BPTF: variants seen among roughly 807,000 people sequenced by gnomAD.
The protein encoded by BPTF is bromodomain PHD finger transcription factor, also known as nucleosome-remodeling factor subunit BPTF.
A neutral mutation model predicts 292.5 loss-of-function variants in BPTF; 18 were observed. That is an observed-to-expected ratio of 0.06 (90% CI 0.04 to 0.09). The LOEUF (loss-of-function observed/expected upper bound fraction) is 0.09, where lower values mean the gene tolerates loss of function less well. BPTF is among the 10% of genes least tolerant of loss of function. The probability of loss-of-function intolerance (pLI) is 1.00; values close to 1 mark genes in which losing one functional copy is unlikely to be tolerated. For synonymous variants in BPTF, 1,225 were observed against 1,251.9 expected (o/e 0.98, Z 0.45); for missense variants, 2,726 against 3,498.7 (o/e 0.78, Z 5.57).
At chr17:67,981,147 AG>A (rs377347333) in intron 27 of BPTF, among the ~76,000 whole-genome samples, 3 of 152,358 alleles carry the variant, frequency 2.0e-5, no homozygotes, top group African/African-American at 7.2e-5. Context: ...CTACAGAGTG[AG>A]ACCTTGTTTC....
chr17:67,856,144 A>G (rs1039262688), intron 2 of BPTF, among the ~76,000 whole-genome samples: 4 of 150,882 alleles, frequency 2.7e-5, no homozygotes, highest in Admixed American at 6.6e-5. Context: ...CTTTCTTATC[A>G]TTTCTCTCCA....
intron 26 of BPTF, among the ~76,000 whole-genome samples, chr17:67,972,046 A>C (rs564574946): frequency 1.1e-4 from 16 of 152,218 alleles, no homozygotes; most frequent in Admixed American, 6.5e-4. Flanking sequence ...TGTAAAATGT[A>C]ATATTTACCA....
At chr17:67,928,235 C>T in intron 15 of BPTF, 120 bp from the exon 16 acceptor site, 1 of 1,121,250 alleles carries the variant, frequency 8.9e-7, no homozygotes, top group Non-Finnish European at 1.3e-6. Context: ...AAGTAAAATA[C>T]TTCAGAAATG....
chr17:67,878,218 C>T (rs2060166551), intron 4 of BPTF, among the ~76,000 whole-genome samples: 1 of 152,174 alleles, frequency 6.6e-6, no homozygotes, highest in African/African-American at 2.4e-5. Context: ...CCAGATGTTG[C>T]TAGTAGTAGC....
At chr17:67,862,945 A>G (rs553615736) in intron 2 of BPTF, among the ~76,000 whole-genome samples, 2 of 151,934 alleles carry the variant, frequency 1.3e-5, no homozygotes, top group Non-Finnish European at 2.9e-5. Context: ...AGCACCTAAC[A>G]GTTCTTCAGC....
rs1174745523 is a variant in BPTF at position 67,931,960 on chromosome 17, C to G, written c.6200C>G (p.Pro2067Arg). ...CCTGGTATGACCGTGATTAGAACAC[C>G]ACTCCAACAGTCAACACTAGGAAAG... Reference protein sequence around the residue: ...IRPGMTVIRTPLQQSTLGKAI... With the variant: ...IRPGMTVIRTRLQQSTLGKAI... Residue 2067 changes from proline to arginine, a missense_variant, in exon 18 of 28, where the codon CCA (proline) becomes CGA (arginine). By Grantham distance (103) the Pro-to-Arg change is moderately radical. Around this residue, in one of 22 missense-constraint regions of BPTF, gnomAD observed 570 missense variants for 633.5 expected, o/e 0.90. Transcript: ENST00000306378. 28 of 1,613,888 alleles carry G rather than the reference C, an allele frequency of 1.7e-5. No homozygotes were observed. Among genetic ancestry groups the G allele is most frequent in the Non-Finnish European group, 2.4e-5 (28 of 1,179,982 alleles).
At chr17:67,876,812 G>A (rs1385187795) in intron 4 of BPTF, among the ~76,000 whole-genome samples, 1 of 127,926 alleles carries the variant, frequency 7.8e-6, no homozygotes, top group Non-Finnish European at 1.5e-5. Context: ...TCTTAAAAAA[G>A]TAAAAAAAGA....
Position 67,911,439 on chromosome 17 carries a change from T to G in BPTF, c.3555T>G (p.Ile1185Met), listed in dbSNP as rs757692330. The G allele has an allele frequency of 3.7e-6, 6 of 1,613,928 alleles. No homozygotes were observed. Among genetic ancestry groups the G allele is most frequent in the Non-Finnish European group, 5.1e-6 (6 of 1,179,990 alleles). The change falls in exon 11 of 28, where the codon ATT becomes ATG. Residue 1185 changes from isoleucine to methionine, a missense_variant. This residue lies in a region of BPTF where 713 missense variants were observed against 714.9 expected (regional missense o/e 1.00). Transcript: ENST00000306378. Reference sequence around the variant, plus strand: ...CAAAATGTCCGAAACAAAATTCCATTGAAAATGACATAGAAGAAAAAGTCT... The same window carrying G: ...CAAAATGTCCGAAACAAAATTCCATGGAAAATGACATAGAAGAAAAAGTCT... ...PETKCPKQNS[I>M]ENDIEEKVSD...
chr17:67,883,177 G>A (rs2060536628), intron 4 of BPTF, among the ~76,000 whole-genome samples: 1 of 151,972 alleles, frequency 6.6e-6, no homozygotes, highest in South Asian at 2.1e-4. Flanking sequence ...TTAGCCGGGC[G>A]TGATGATGGG....
At chr17:67,877,768 A>C (rs998550878) in intron 4 of BPTF, among the ~76,000 whole-genome samples, 1 of 152,096 alleles carries the variant, frequency 6.6e-6, no homozygotes, top group African/African-American at 2.4e-5. Context: ...ACAGGTGTGC[A>C]CCACCATGCC....
chr17:67,903,799 A>G lies in BPTF; in HGVS notation c.2554A>G (p.Met852Val). 1.3e-6 allele frequency: 2 copies of G among 1,569,416 alleles called. No homozygotes were observed. The highest frequency in any genetic ancestry group is 1.4e-5 in the African/African-American group (1 of 72,050). Residue 852 changes from methionine (M) to valine (V), a missense_variant, in exon 8 of 28, where the codon ATG (methionine) becomes GTG (valine). By Grantham distance (21) the Met-to-Val change is conservative. Transcript: ENST00000306378. ...ESLGHTRLHR[M>V]TSIEREEKEK... ...TGCATGAATTCTTAGGTTACACCGGATGACATCAATTGAAAGAGAAGAAAA... is the reference window on the plus strand; with the variant it reads ...TGCATGAATTCTTAGGTTACACCGGGTGACATCAATTGAAAGAGAAGAAAA...
At chr17:67,931,055 A>C (rs1270903151) in intron 17 of BPTF, among the ~76,000 whole-genome samples, 1 of 152,164 alleles carries the variant, frequency 6.6e-6, no homozygotes, top group East Asian at 1.9e-4. Context: ...TCACAAGGTC[A>C]AGAGATCGAA....
intron 2 of BPTF, among the ~76,000 whole-genome samples, chr17:67,865,839 A>G (rs558996690): frequency 2.6e-5 from 4 of 152,334 alleles, no homozygotes; most frequent in Non-Finnish European, 5.9e-5. Context: ...TCTTCTCTCC[A>G]GTTTGGGCTT....
At position 67,924,673 on chromosome 17, in the gene BPTF, G is replaced by A. The variant is rs544607702; in HGVS notation, c.5751+84G>A. ...AAAAGCACTTGACCTCCCATCAGCA[G>A]GGGGAGTTGGTGCTGGTCCCACTTG... On this transcript the variant is annotated intron_variant, in intron 15 of 27. Transcript: ENST00000306378. 53 of 1,476,822 alleles carry A rather than the reference G, an allele frequency of 3.6e-5. No individual in the cohort carries two copies. In the Admixed American group the frequency reaches 4.6e-4, roughly 13 times the overall value. The allele number at this position is 1,476,822 out of a possible 1,614,324, so 91.5% of individuals were successfully genotyped here.
rs1031402902 is a variant in BPTF at position 67,871,421 on chromosome 17, A to G, written c.1661-3396A>G. ...GTGCCACTGCCCTCCAGCCTGGGCA[A>G]CAGAGTGAGACTTTGTCTCCAAAAA... On this transcript the variant is annotated intron_variant, in intron 3 of 27. Transcript: ENST00000306378. 2.7e-5 allele frequency among the ~76,000 whole-genome samples: 4 copies of G among 146,332 alleles called. 1 individual carries two copies.
At chr17:67,933,920 C>T (rs959322891) in intron 18 of BPTF, among the ~76,000 whole-genome samples, 22 of 150,608 alleles carry the variant, frequency 1.5e-4, no homozygotes, top group African/African-American at 4.9e-4. Flanking sequence ...TTAGCCAGGC[C>T]TGGTGGTGGG....
chr17:67,941,924 A>G (rs1262096894), intron 19 of BPTF, among the ~76,000 whole-genome samples: 4 of 152,242 alleles, frequency 2.6e-5, no homozygotes, highest in African/African-American at 9.6e-5. Context: ...AAAAGAACCA[A>G]CCAAGGACTA....
intron 4 of BPTF, among the ~76,000 whole-genome samples, chr17:67,882,158 A>G (rs1388350916): frequency 6.6e-6 from 1 of 152,086 alleles, no homozygotes; most frequent in African/African-American, 2.4e-5. Context: ...TTAGCAGAAT[A>G]AAATGTTTGA....
intron 1 of BPTF, among the ~76,000 whole-genome samples, chr17:67,827,834 T>A (rs1319382673): frequency 2.6e-5 from 4 of 152,168 alleles, no homozygotes; most frequent in Non-Finnish European, 5.9e-5. Context: ...CGGGGCAGGC[T>A]GTCTGGTGAA....
Sources: gnomAD v4.1 joint callset for allele counts (sites outside exome capture counted in the v4.1 genomes callset) on GRCh38, gnomAD v4.1.1 for gene constraint, gnomAD v4.1.1 regional missense constraint, MANE v1.5 for transcripts, NCBI Gene and HGNC (gene_info 2026-07-23, HGNC 2026-07-21) for gene names.